DRC11: variants seen among roughly 807,000 people sequenced by gnomAD.
DRC11 encodes the protein dynein regulatory complex subunit 11.
At chr2:236,428,117 T>C in the DRC11 span, among the ~76,000 whole-genome samples, 1 of 152,216 alleles carries the variant, frequency 6.6e-6, no homozygotes, top group Non-Finnish European at 1.5e-5. Flanking sequence ...GATTTTGATC[T>C]TCCTAAATTT....
chr2:236,486,443 C>T, the DRC11 span, among the ~76,000 whole-genome samples: 38 of 152,094 alleles, frequency 2.5e-4, no homozygotes, highest in Non-Finnish European at 3.8e-4. The surrounding 1 kb of genome is among the most constrained non-coding windows in gnomAD (Gnocchi z 5.7). Flanking sequence ...ACCTAATCCA[C>T]CTTTCCATCT....
At chr2:236,323,268 G>T in the DRC11 span, among the ~76,000 whole-genome samples, 1 of 152,190 alleles carries the variant, frequency 6.6e-6, no homozygotes, top group Non-Finnish European at 1.5e-5. The surrounding 1 kb of genome is among the most constrained non-coding windows in gnomAD (Gnocchi z 6.4). Flanking sequence ...AATGTCAAAG[G>T]GCTCTGGGAT....
At chr2:236,357,480 T>G in the DRC11 span, among the ~76,000 whole-genome samples, 1 of 126,696 alleles carries the variant, frequency 7.9e-6, no homozygotes, top group Non-Finnish European at 1.5e-5. Flanking sequence ...ACATGTATAT[T>G]TATATATTAT....
chr2:236,357,681 TACAATATGTAAATATCTG>T, the DRC11 span, among the ~76,000 whole-genome samples: 1 of 125,620 alleles, frequency 8.0e-6, no homozygotes, highest in East Asian at 2.3e-4. Flanking sequence ...AATATATATT[TACAATATGTAAATATCTG>T]ATATGTAAAT....
the DRC11 span, among the ~76,000 whole-genome samples, chr2:236,425,608 T>C: frequency 1.3e-5 from 2 of 152,038 alleles, no homozygotes; most frequent in Non-Finnish European, 2.9e-5. Flanking sequence ...TCTCTTTTGT[T>C]TCCTTGCTGT....
chr2:236,433,746 C>T, the DRC11 span, among the ~76,000 whole-genome samples: 2 of 152,084 alleles, frequency 1.3e-5, no homozygotes, highest in African/African-American at 4.8e-5. Context: ...CTTTAGAACA[C>T]TAGAAAGGGG....
the DRC11 span, among the ~76,000 whole-genome samples, chr2:236,474,051 C>G: frequency 6.6e-6 from 1 of 152,024 alleles, no homozygotes; most frequent in South Asian, 2.1e-4. Context: ...AAAATATATT[C>G]AATTGCAAAC....
chr2:236,428,818 T>A, the DRC11 span, among the ~76,000 whole-genome samples: 1 of 152,214 alleles, frequency 6.6e-6, no homozygotes, highest in Non-Finnish European at 1.5e-5. Flanking sequence ...CATTTTGTTC[T>A]GCTATTATTT....
At chr2:236,480,436 T>C in the DRC11 span, among the ~76,000 whole-genome samples, 1 of 152,208 alleles carries the variant, frequency 6.6e-6, no homozygotes, top group Non-Finnish European at 1.5e-5. Flanking sequence ...TTCTTTTTTT[T>C]CCCTCTGACT....
the DRC11 span, among the ~76,000 whole-genome samples, chr2:236,437,355 G>A: frequency 2.1e-5 from 3 of 146,216 alleles, no homozygotes; most frequent in Non-Finnish European, 4.5e-5. Context: ...TGGACATTTG[G>A]GTTGGTTCCA....
chr2:236,442,698 T>C, the DRC11 span, among the ~76,000 whole-genome samples: 1 of 152,226 alleles, frequency 6.6e-6, no homozygotes, highest in Non-Finnish European at 1.5e-5. Flanking sequence ...TTTCATCATA[T>C]TGAAAAGCAC....
the DRC11 span, among the ~76,000 whole-genome samples, chr2:236,446,116 CGATT>C: frequency 2.0e-5 from 3 of 152,140 alleles, no homozygotes; most frequent in Non-Finnish European, 4.4e-5. The surrounding 1 kb of genome is among the most constrained non-coding windows in gnomAD (Gnocchi z 6.2). Context: ...CTCCCTCCCT[CGATT>C]TTCAGCTGTG....
chr2:236,357,509 T>C, the DRC11 span, among the ~76,000 whole-genome samples: 10 of 127,194 alleles, frequency 7.9e-5, no homozygotes, highest in Non-Finnish European at 1.5e-4. Context: ...ATTTACATAT[T>C]ATAAATATAT....
chr2:236,339,062 C>T, the DRC11 span, among the ~76,000 whole-genome samples: 4 of 152,192 alleles, frequency 2.6e-5, no homozygotes, highest in African/African-American at 4.8e-5. Context: ...AAGAGGAAGC[C>T]GGGGAAGGAG....
chr2:236,441,073 T>G, the DRC11 span: 2 of 1,561,192 alleles, frequency 1.3e-6, no homozygotes, highest in South Asian at 2.4e-5. Flanking sequence ...AAATAATAGC[T>G]GACCCTCCTT....
the DRC11 span, among the ~76,000 whole-genome samples, chr2:236,309,403 GA>G: frequency 6.6e-6 from 1 of 152,090 alleles, no homozygotes; most frequent in Non-Finnish European, 1.5e-5. This position sits in a 1 kb window ranked among gnomAD's most constrained non-coding sequence, Gnocchi z 5.7. Flanking sequence ...GGGTCCCAAG[GA>G]AGAGACATCC....
At chr2:236,331,211 C>G in the DRC11 span, 2 of 637,968 alleles carry the variant, frequency 3.1e-6, no homozygotes, top group Non-Finnish European at 5.6e-6. This position sits in a 1 kb window ranked among gnomAD's most constrained non-coding sequence, Gnocchi z 4.8. Context: ...GCCAAAACCC[C>G]AAAGATTTTG....
the DRC11 span, chr2:236,408,349 C>T: frequency 1.3e-6 from 1 of 764,866 alleles, no homozygotes; most frequent in Non-Finnish European, 2.4e-6. This position sits in a 1 kb window ranked among gnomAD's most constrained non-coding sequence, Gnocchi z 5.5. Context: ...GTGGGTCTTG[C>T]AGGGTAGCTT....
the DRC11 span, among the ~76,000 whole-genome samples, chr2:236,468,953 T>C: frequency 6.6e-6 from 1 of 152,262 alleles, no homozygotes; most frequent in African/African-American, 2.4e-5. Flanking sequence ...AGACAAACTA[T>C]ATTTTACCTG....
Sources: gnomAD v4.1 joint callset for allele counts (sites outside exome capture counted in the v4.1 genomes callset) on GRCh38, gnomAD v4.1.1 for gene constraint, Gnocchi (gnomAD v3.1) non-coding constraint, MANE v1.5 for transcripts, NCBI Gene and HGNC (gene_info 2026-07-23, HGNC 2026-07-21) for gene names.